The following FAM135B variants were observed in gnomAD, a reference collection of about 807,000 sequenced individuals.
FAM135B encodes protein FAM135B.
A neutral mutation model predicts 127.7 loss-of-function variants in FAM135B; 43 were observed. The observed-to-expected ratio is 0.34, with a 90% CI of 0.26 to 0.43. The LOEUF is 0.43. Among genes scored for constraint, FAM135B ranks in the 20% least tolerant of loss-of-function variants. FAM135B has a pLI of 1.00. For synonymous variants in FAM135B, 670 were observed against 665.1 expected (o/e 1.01, Z -0.11); for missense variants, 1,558 against 1,725.6 (o/e 0.90, Z 1.72).
chr8:138,179,240 A>G (rs1320766455), intron 9 of FAM135B, among the ~76,000 whole-genome samples: 1 of 151,976 alleles, frequency 6.6e-6, no homozygotes. Flanking sequence ...TTTTACTCAC[A>G]TTCTCCCCAA....
At chr8:138,148,429 G>A in intron 14 of FAM135B, 91 bp downstream of exon 14, 1 of 1,052,674 alleles carries the variant, frequency 9.5e-7, no homozygotes, top group Non-Finnish European at 1.4e-6. Context: ...TGAACATTCT[G>A]TTGAATGAAT....
At position 138,132,135 on chromosome 8, in the gene FAM135B, T is replaced by G. The variant is rs2130474634; in HGVS notation, c.*458A>C. On this transcript the variant is annotated 3_prime_UTR_variant, in exon 20 of 20. Transcript: ENST00000395297. The surrounding 1 kb of genome is among the most constrained non-coding windows in gnomAD (Gnocchi z 4.5). The stretch of plus-strand genomic sequence containing the variant: ...CATTTGAATCTATTGAGGATTCTAT[T>G]TACACAAATATGTTCCACTGCTGCA... The G allele has an allele frequency of 6.2e-6, 1 of 162,042 alleles. No individual in the cohort carries two copies. Among genetic ancestry groups the G allele is most frequent in the East Asian group, 1.8e-4 (1 of 5,508 alleles). 10.0% of individuals were successfully genotyped at this position (162,042 alleles called of 1,614,324 possible). A position where few individuals can be genotyped will look rare whatever the true frequency, so the allele number is the denominator to read the frequency against.
chr8:138,371,483 G>A (rs555458816), intron 1 of FAM135B, among the ~76,000 whole-genome samples: 12 of 152,194 alleles, frequency 7.9e-5, no homozygotes, highest in Admixed American at 2.6e-4. Context: ...AGGAAAGTCC[G>A]TTCTCTGCCT....
At chr8:138,207,393 A>C (rs1179008068) in intron 7 of FAM135B, among the ~76,000 whole-genome samples, 2 of 151,996 alleles carry the variant, frequency 1.3e-5, no homozygotes, top group African/African-American at 4.8e-5. Context: ...ATTTTTTAGT[A>C]GAGATGGAGT....
intron 7 of FAM135B, among the ~76,000 whole-genome samples, chr8:138,206,125 G>GC (rs11403579): frequency 0.65 from 87,553 of 134,020 alleles, 26,418 homozygotes; most frequent in Admixed American, 0.73. Context: ...CCTACACACA[G>GC]GCCAGCAGCA....
chr8:138,304,572 TGG>T (rs1485205796), intron 3 of FAM135B, among the ~76,000 whole-genome samples: 4 of 150,772 alleles, frequency 2.7e-5, no homozygotes, highest in African/African-American at 9.8e-5. Flanking sequence ...GGAGGAGAGG[TGG>T]GAAAGAAAGA....
intron 1 of FAM135B, among the ~76,000 whole-genome samples, chr8:138,403,045 CG>C (rs1448191214): frequency 6.6e-6 from 1 of 152,170 alleles, no homozygotes; most frequent in Admixed American, 6.5e-5. Context: ...CAAATCAGCT[CG>C]TACCTTGATC....
chr8:138,280,506 G>A (rs1035218916), intron 3 of FAM135B, among the ~76,000 whole-genome samples: 1 of 152,054 alleles, frequency 6.6e-6, no homozygotes, highest in Non-Finnish European at 1.5e-5. Context: ...ACTTATCCCC[G>A]TGACCAAGCA....
chr8:138,480,994 G>C (rs942647697), intron 1 of FAM135B, among the ~76,000 whole-genome samples: 14 of 152,320 alleles, frequency 9.2e-5, no homozygotes, highest in Non-Finnish European at 1.3e-4. Flanking sequence ...ATGAACATGT[G>C]TTTGAACACA....
At chr8:138,221,007 T>C (rs188003273) in intron 7 of FAM135B, among the ~76,000 whole-genome samples, 77 of 152,314 alleles carry the variant, frequency 5.1e-4, no homozygotes, top group African/African-American at 1.7e-3. Context: ...CCTACTATTG[T>C]TTATTCTAAT....
rs1471699754 is a variant in FAM135B at position 138,382,127 on chromosome 8, T to C, written c.-19-14125A>G. 3.3e-5 allele frequency among the ~76,000 whole-genome samples: 5 copies of C among 152,096 alleles called. No individual in the cohort carries two copies. The East Asian group carries it at 7.7e-4, about 23-fold the overall frequency. ...CAGCCCACGTCACCGTGTTCCCACATTGACCACCCACAAGATGTGCAAGCC... is the reference window on the plus strand; with the variant it reads ...CAGCCCACGTCACCGTGTTCCCACACTGACCACCCACAAGATGTGCAAGCC... On this transcript the variant is annotated intron_variant, in intron 1 of 19. Transcript: ENST00000395297.
chr8:138,152,457 G>T lies in FAM135B; in HGVS notation c.2018C>A (p.Ser673Tyr), dbSNP rs781427760. The T allele has an allele frequency of 1.2e-6, 2 of 1,614,176 alleles. No homozygotes were observed. Among genetic ancestry groups the T allele is most frequent in the Non-Finnish European group, 1.7e-6 (2 of 1,180,048 alleles). ...TEEQEELSVL[S>Y]GVIKRSSSII... is the part of the protein sequence containing the mutation. The stretch of plus-strand genomic sequence containing the variant: ...GGATGAAGATCTCTTGATGACCCCG[G>T]ATAGCACTGAGAGTTCCTCCTGCTC... The change falls in exon 13 of 20, where the codon TCC becomes TAC. Residue 673 changes from serine (S) to tyrosine (Y), a missense_variant. Ser to Tyr is a moderately radical substitution (Grantham distance 144). Coordinates refer to ENST00000395297, the MANE Select transcript of FAM135B (RefSeq NM_015912.4).
intron 2 of FAM135B, among the ~76,000 whole-genome samples, chr8:138,365,181 T>C (rs1646978538): frequency 6.6e-6 from 1 of 152,130 alleles, no homozygotes; most frequent in South Asian, 2.1e-4. Context: ...CAAAAAACAT[T>C]AGAGTGGTTC....
At chr8:138,321,494 C>T (rs992800135) in intron 2 of FAM135B, among the ~76,000 whole-genome samples, 1 of 152,174 alleles carries the variant, frequency 6.6e-6, no homozygotes, top group Non-Finnish European at 1.5e-5. Context: ...CGAAAATTAT[C>T]TTTGAGACTT....
chr8:138,227,714 C>CTTTTTTTT (rs761660500), intron 7 of FAM135B, among the ~76,000 whole-genome samples: 1 of 81,826 alleles, frequency 1.2e-5, no homozygotes, highest in African/African-American at 4.6e-5. Context: ...TTTTGTCTCT[C>CTTTTTTTT]TTTTTTTTTT....
intron 1 of FAM135B, among the ~76,000 whole-genome samples, chr8:138,409,140 C>T (rs975642066): frequency 6.6e-6 from 1 of 152,038 alleles, no homozygotes; most frequent in Admixed American, 6.6e-5. Context: ...TAGTTTAAAG[C>T]GAGAAACATG....
chr8:138,287,685 A>G (rs1015940430), intron 3 of FAM135B, among the ~76,000 whole-genome samples: 2 of 152,192 alleles, frequency 1.3e-5, no homozygotes, highest in African/African-American at 4.8e-5. Flanking sequence ...CCTGGCACAC[A>G]CAGCCCCACC....
chr8:138,316,330 T>C (rs942264559), intron 2 of FAM135B, among the ~76,000 whole-genome samples: 3 of 151,586 alleles, frequency 2.0e-5, no homozygotes, highest in Admixed American at 1.3e-4. Flanking sequence ...CCGTCTCTAC[T>C]AAAAATACAA....
At chr8:138,391,652 C>T (rs1471739730) in intron 1 of FAM135B, among the ~76,000 whole-genome samples, 1 of 152,150 alleles carries the variant, frequency 6.6e-6, no homozygotes, top group Non-Finnish European at 1.5e-5. Flanking sequence ...TCTAACCTTC[C>T]CTTAGTCATT....
Sources: allele counts gnomAD v4.1 joint callset (sites outside exome capture counted in the v4.1 genomes callset), GRCh38; gene constraint gnomAD v4.1.1; non-coding constraint Gnocchi (gnomAD v3.1); transcripts MANE v1.5; gene names NCBI Gene and HGNC (gene_info 2026-07-23, HGNC 2026-07-21).